TRUB1: variants seen among roughly 807,000 people sequenced by gnomAD.
TRUB1 encodes TruB pseudouridine synthase family member 1.
A neutral mutation model predicts 33.9 loss-of-function variants in TRUB1; 23 were observed. The ratio of observed to expected loss-of-function variants is 0.68; its 90% confidence interval spans 0.49 to 0.96. The LOEUF is 0.96. Ranked by LOEUF, TRUB1 falls within the 40% of genes least tolerant of loss-of-function variation. The pLI is 0.00. For missense variants in TRUB1, 378 were observed against 422.2 expected (o/e 0.90, Z 0.92); for synonymous variants, 163 against 165.4 (o/e 0.99, Z 0.11).
chr10:114,975,301 T>A lies in TRUB1; in HGVS notation c.972T>A (p.Ser324=), dbSNP rs753932752. 4 of 1,613,496 alleles carry A rather than the reference T, an allele frequency of 2.5e-6. No individual in the cohort carries two copies. In the East Asian group the frequency reaches 8.9e-5, roughly 36 times the overall value. ...ELALKKSKPE[S]NEQVLSCEYI... ...CACTTAAAAAATCAAAACCTGAGTCTAATGAACAGGTTTTGAGCTGTGAAT... is the reference window on the plus strand; with the variant it reads ...CACTTAAAAAATCAAAACCTGAGTCAAATGAACAGGTTTTGAGCTGTGAAT... Residue 324 remains serine (S), a synonymous_variant, in exon 8 of 8, where the codon TCT becomes TCA. Coordinates refer to ENST00000298746, the MANE Select transcript of TRUB1 (RefSeq NM_139169.5).
intron 4 of TRUB1, among the ~76,000 whole-genome samples, chr10:114,960,195 A>C (rs139935624): frequency 1.8e-3 from 279 of 152,300 alleles, no homozygotes; most frequent in Non-Finnish European, 3.4e-3. Flanking sequence ...TGTTGAAATA[A>C]ATGTACCAGG....
intron 3 of TRUB1, among the ~76,000 whole-genome samples, 173 bp from the exon 4 acceptor site, chr10:114,959,553 T>C (rs1197985433): frequency 6.6e-6 from 1 of 152,254 alleles, no homozygotes; most frequent in Non-Finnish European, 1.5e-5. Flanking sequence ...TGTTCTTCAG[T>C]TTACACAATT....
rs368860732 is a variant in TRUB1, at chr10:114,961,826, A to G, written c.523+2019A>G. ...GGAAAGATAGATAAATGTAAGACCT[A>G]GCTTGTGTCCTTAAGGAACTTACTG... On this transcript the variant is annotated intron_variant, in intron 4 of 7. Coordinates refer to ENST00000298746, the MANE Select transcript of TRUB1 (RefSeq NM_139169.5). 6.4e-3 allele frequency among the ~76,000 whole-genome samples: 969 copies of G among 152,346 alleles called. 4 individuals are homozygous for G. Among genetic ancestry groups the G allele is most frequent in the Middle Eastern group, 0.014 (4 of 294 alleles).
chr10:114,940,367 C>T (rs557763030), intron 1 of TRUB1, among the ~76,000 whole-genome samples: 5 of 152,120 alleles, frequency 3.3e-5, no homozygotes, highest in East Asian at 1.9e-4. Flanking sequence ...GTGATCTGCC[C>T]GCCTCAGCCT....
intron 1 of TRUB1, among the ~76,000 whole-genome samples, chr10:114,941,261 C>T (rs1193826868): frequency 6.6e-6 from 1 of 152,054 alleles, no homozygotes; most frequent in Non-Finnish European, 1.5e-5. Context: ...TCATCAAAAA[C>T]AATTTATATT....
At chr10:114,969,451 A>G (rs557189794) in intron 4 of TRUB1, 1 of 151,500 alleles carries the variant, frequency 6.6e-6, no homozygotes, top group East Asian at 1.9e-4. Context: ...AAAAATAGAT[A>G]AATAAAAATA....
chr10:114,962,196 CAGG>C (rs1426734180), intron 4 of TRUB1, among the ~76,000 whole-genome samples: 1 of 152,168 alleles, frequency 6.6e-6, no homozygotes, highest in African/African-American at 2.4e-5. Context: ...GCTGGGACTA[CAGG>C]CATGCACCAC....
chr10:114,973,919 G>A (rs979246645), intron 6 of TRUB1, among the ~76,000 whole-genome samples: 3 of 152,024 alleles, frequency 2.0e-5, no homozygotes, highest in Middle Eastern at 3.2e-3. Context: ...AAAATCTACC[G>A]CTCATGATGG....
chr10:114,950,306 TA>T (rs1201560732), intron 2 of TRUB1, among the ~76,000 whole-genome samples: 37 of 152,352 alleles, frequency 2.4e-4, no homozygotes, highest in Non-Finnish European at 1.5e-5. Flanking sequence ...ATATTGGAGA[TA>T]TTTTTTCTAG....
Position 114,949,014 on chromosome 10 carries a change from A to G in TRUB1, c.386-2080A>G, listed in dbSNP as rs371479002. 1.3e-3 allele frequency among the ~76,000 whole-genome samples: 200 copies of G among 152,328 alleles called. 2 individuals are homozygous for G. Among genetic ancestry groups the G allele is most frequent in the African/African-American group, 4.0e-3 (167 of 41,566 alleles). ...TCTCCGGCCTCTTTAGCCGTTTAGG[A>G]TGCTCCCACCTTTGCCCTGCTTTGG... On this transcript the variant is annotated intron_variant, in intron 2 of 7. Coordinates refer to ENST00000298746, the MANE Select transcript of TRUB1 (RefSeq NM_139169.5).
At chr10:114,946,725 A>ATT (rs35412790) in intron 2 of TRUB1, among the ~76,000 whole-genome samples, 2,237 of 151,400 alleles carry the variant, frequency 0.015, 66 homozygotes, top group African/African-American at 0.052. Context: ...TACTTTCAAC[A>ATT]TTTTTTTTTG....
chr10:114,963,930 A>G (rs1443830722), intron 4 of TRUB1, among the ~76,000 whole-genome samples: 1 of 150,768 alleles, frequency 6.6e-6, no homozygotes, highest in Non-Finnish European at 1.5e-5. Flanking sequence ...TTCTACCGTC[A>G]TTTCTTTTGG....
At chr10:114,970,531 G>T in intron 5 of TRUB1, 91 bp downstream of exon 5, 1 of 968,848 alleles carries the variant, frequency 1.0e-6, no homozygotes. Flanking sequence ...TTTCCTCTTA[G>T]CATATGGCAA....
chr10:114,975,162 C>G lies in TRUB1; in HGVS notation c.833C>G (p.Thr278Ser), dbSNP rs764610758. The G allele has an allele frequency of 6.2e-7, 1 of 1,613,390 alleles. No homozygotes were observed. Among genetic ancestry groups the G allele is most frequent in the Non-Finnish European group, 8.5e-7 (1 of 1,179,622 alleles). The change falls in exon 8 of 8, where the codon ACC becomes AGC. Residue 278 changes from threonine to serine, a missense_variant. By Grantham distance (58) the Thr-to-Ser change is moderately conservative. Coordinates refer to ENST00000298746, the MANE Select transcript of TRUB1 (RefSeq NM_139169.5). ...GCCAATGTGCTAGAGCTGACCCGAA[C>G]CAAACAGGGACCATTTACGCTAGAA... ...SCANVLELTR[T>S]KQGPFTLEEH...
At chr10:114,940,725 A>G (rs546731144) in intron 1 of TRUB1, among the ~76,000 whole-genome samples, 1 of 152,352 alleles carries the variant, frequency 6.6e-6, no homozygotes, top group African/African-American at 2.4e-5. Context: ...GGAAGATAGT[A>G]TATTTATGGG....
intron 1 of TRUB1, among the ~76,000 whole-genome samples, chr10:114,940,292 T>G (rs1370442976): frequency 1.3e-5 from 2 of 152,072 alleles, no homozygotes; most frequent in Non-Finnish European, 2.9e-5. Context: ...CAGCTAATTT[T>G]GTATTTTTGG....
At chr10:114,947,116 G>C (rs2084214695) in intron 2 of TRUB1, among the ~76,000 whole-genome samples, 1 of 152,060 alleles carries the variant, frequency 6.6e-6, no homozygotes, top group Non-Finnish European at 1.5e-5. Flanking sequence ...GTGGTTGCTG[G>C]CTTTGAAGAG....
intron 3 of TRUB1, among the ~76,000 whole-genome samples, chr10:114,956,446 C>G (rs2084262093): frequency 6.6e-6 from 1 of 152,092 alleles, no homozygotes; most frequent in Admixed American, 6.6e-5. Context: ...ATCCCAATAT[C>G]TTTTTGGTCG....
rs771924475 is a variant in TRUB1, at chr10:114,975,134, T to A, written c.805T>A (p.Cys269Ser). Residue 269 changes from cysteine (C) to serine (S), a missense_variant, in exon 8 of 8, where the codon TGT (cysteine) becomes AGT (serine). Physicochemically the swap from Cys to Ser is moderately radical, Grantham distance 112. Transcript: ENST00000298746. ...VSDIGKELSS[C>S]ANVLELTRTK... ...TTTTGTTGCCATAGAACTATCTTCC[T>A]GTGCCAATGTGCTAGAGCTGACCCG... is the stretch of plus-strand genomic sequence containing the variant. 7.5e-6 allele frequency: 12 copies of A among 1,610,032 alleles called. No homozygotes were observed. Among genetic ancestry groups the A allele is most frequent in the Non-Finnish European group, 9.3e-6 (11 of 1,178,626 alleles).
Sources: allele counts gnomAD v4.1 joint callset (sites outside exome capture counted in the v4.1 genomes callset), GRCh38; gene constraint gnomAD v4.1.1; transcripts MANE v1.5; gene names NCBI Gene and HGNC (gene_info 2026-07-23, HGNC 2026-07-21).